HS3ST5: variants seen among roughly 807,000 people sequenced by gnomAD.
The protein encoded by HS3ST5 is heparan sulfate glucosamine 3-O-sulfotransferase 5.
Under a neutral mutation model 25.4 loss-of-function variants are expected in HS3ST5, and 10 were observed. That is an observed-to-expected ratio of 0.39 (90% CI 0.24 to 0.67). HS3ST5 has a LOEUF of 0.67. HS3ST5 is among the 30% of genes least tolerant of loss of function. The pLI, the probability that HS3ST5 is intolerant of heterozygous loss-of-function variation, is 0.44. For synonymous variants in HS3ST5, 170 were observed against 162.4 expected, an observed-to-expected ratio of 1.05 and a Z score of -0.36; for missense variants, 324 against 420.7, an observed-to-expected ratio of 0.77 and a Z score of 2.01.
intron 1 of HS3ST5, among the ~76,000 whole-genome samples, chr6:114,326,953 G>A (rs998821934): frequency 1.3e-5 from 2 of 152,044 alleles, no homozygotes; most frequent in East Asian, 3.9e-4. Context: ...GAAGCTTTGT[G>A]GTTTAATATT....
chr6:114,113,744 T>G (rs1392372786), intron 3 of HS3ST5, among the ~76,000 whole-genome samples: 4 of 152,082 alleles, frequency 2.6e-5, no homozygotes, highest in African/African-American at 9.7e-5. Flanking sequence ...AATAATTTTT[T>G]TAATGACTAC....
chr6:114,075,875 TC>T (rs1774094926), intron 3 of HS3ST5, among the ~76,000 whole-genome samples: 1 of 152,164 alleles, frequency 6.6e-6, no homozygotes, highest in Admixed American at 6.5e-5. Context: ...GCTCGTCTTT[TC>T]CTTGGGTAAC....
rs114283547 is a variant in HS3ST5 at position 114,313,495 on chromosome 6, T to C, written c.-339+28700A>G. On this transcript the variant is annotated intron_variant, in intron 1 of 4. Coordinates refer to ENST00000312719, the MANE Select transcript of HS3ST5 (RefSeq NM_153612.4). ...GTGGTATGTCCATACAACTGAATAC[T>C]ATCCAGCAATAAAAAGAAATGAAGT... is the stretch of plus-strand genomic sequence containing the variant. 8.7e-3 allele frequency among the ~76,000 whole-genome samples: 1,319 copies of C among 152,340 alleles called. 20 individuals are homozygous for C. Among genetic ancestry groups the C allele is most frequent in the African/African-American group, 0.03 (1,243 of 41,582 alleles).
intron 1 of HS3ST5, among the ~76,000 whole-genome samples, chr6:114,290,025 A>C (rs1774501646): frequency 6.6e-6 from 1 of 152,164 alleles, no homozygotes; most frequent in African/African-American, 2.4e-5. Flanking sequence ...ATTATATAAG[A>C]ATTCTTTGTC....
At chr6:114,141,604 T>C (rs1372695703) in intron 3 of HS3ST5, among the ~76,000 whole-genome samples, 2 of 152,220 alleles carry the variant, frequency 1.3e-5, no homozygotes, top group Admixed American at 1.3e-4. Flanking sequence ...AGAAAGGTGA[T>C]AAATTATAAA....
At chr6:114,192,332 A>G (rs745646713) in intron 2 of HS3ST5, among the ~76,000 whole-genome samples, 1 of 152,208 alleles carries the variant, frequency 6.6e-6, no homozygotes, top group Admixed American at 6.5e-5. Flanking sequence ...CTTAATAACT[A>G]TAAGATATAG....
intron 2 of HS3ST5, among the ~76,000 whole-genome samples, chr6:114,191,875 T>G (rs1283353374): frequency 6.6e-6 from 1 of 152,192 alleles, no homozygotes. Context: ...TAATTGATCA[T>G]GAAGACATAT....
intron 1 of HS3ST5, among the ~76,000 whole-genome samples, chr6:114,296,318 C>A (rs1774818909): frequency 6.6e-6 from 1 of 151,970 alleles, no homozygotes; most frequent in Non-Finnish European, 1.5e-5. Context: ...GAGGATTATA[C>A]CCATTTTTAT....
intron 1 of HS3ST5, among the ~76,000 whole-genome samples, chr6:114,235,252 T>G (rs1341556594): frequency 6.6e-6 from 1 of 152,234 alleles, no homozygotes; most frequent in East Asian, 1.9e-4. Context: ...AAAAGCTTTT[T>G]AAATTAATCT....
At chr6:114,068,322 CA>C (rs1241058651) in intron 3 of HS3ST5, among the ~76,000 whole-genome samples, 3 of 152,204 alleles carry the variant, frequency 2.0e-5, no homozygotes, top group Admixed American at 2.0e-4. Flanking sequence ...CTCTAGCAGA[CA>C]GAAAGTGAAA....
At chr6:114,305,187 G>A (rs552236915) in intron 1 of HS3ST5, among the ~76,000 whole-genome samples, 1 of 152,140 alleles carries the variant, frequency 6.6e-6, no homozygotes, top group Admixed American at 6.5e-5. Context: ...GTTGACATAT[G>A]TCATTATTTA....
chr6:114,317,546 A>T (rs544801393), intron 1 of HS3ST5, among the ~76,000 whole-genome samples: 1 of 152,170 alleles, frequency 6.6e-6, no homozygotes, highest in South Asian at 2.1e-4. Flanking sequence ...GTATATTGTA[A>T]TTTTTTTATT....
At chr6:114,082,697 T>C (rs756278700) in intron 3 of HS3ST5, among the ~76,000 whole-genome samples, 5 of 152,242 alleles carry the variant, frequency 3.3e-5, no homozygotes, top group African/African-American at 4.8e-5. Context: ...AATATGTCAG[T>C]ATGTTCAATT....
chr6:114,292,453 A>G (rs1032350215), intron 1 of HS3ST5, among the ~76,000 whole-genome samples: 1 of 152,194 alleles, frequency 6.6e-6, no homozygotes, highest in Admixed American at 6.5e-5. Flanking sequence ...TTAATGACCC[A>G]AACACCTCCC....
intron 1 of HS3ST5, among the ~76,000 whole-genome samples, chr6:114,258,298 A>C (rs1453128250): frequency 1.3e-5 from 2 of 152,196 alleles, no homozygotes; most frequent in Non-Finnish European, 2.9e-5. Flanking sequence ...TTGAAGACTC[A>C]GGATTTCCCT....
At chr6:114,229,577 C>T (rs2114527251) in intron 1 of HS3ST5, among the ~76,000 whole-genome samples, 1 of 152,342 alleles carries the variant, frequency 6.6e-6, no homozygotes, top group Admixed American at 6.5e-5. Context: ...TGCTACACCT[C>T]TCACAAATAG....
intron 1 of HS3ST5, among the ~76,000 whole-genome samples, chr6:114,325,764 C>G (rs1423520216): frequency 1.3e-5 from 2 of 152,172 alleles, no homozygotes; most frequent in Non-Finnish European, 2.9e-5. Context: ...TTTAGAGTTA[C>G]TAGATGGATC....
intron 3 of HS3ST5, among the ~76,000 whole-genome samples, chr6:114,167,046 T>A (rs569893026): frequency 6.6e-6 from 1 of 152,314 alleles, no homozygotes; most frequent in East Asian, 1.9e-4. Context: ...AGTGCAGTGG[T>A]GCGATCATAG....
At chr6:114,080,920 G>T (rs1336237264) in intron 3 of HS3ST5, among the ~76,000 whole-genome samples, 1 of 152,046 alleles carries the variant, frequency 6.6e-6, no homozygotes, top group Non-Finnish European at 1.5e-5. Context: ...TGTACCCCCT[G>T]AATCTAAAAT....
Sources: allele counts gnomAD v4.1 joint callset (sites outside exome capture counted in the v4.1 genomes callset), GRCh38; gene constraint gnomAD v4.1.1; transcripts MANE v1.5; gene names NCBI Gene and HGNC (gene_info 2026-07-23, HGNC 2026-07-21).